The following FYN variants were observed in gnomAD, a reference collection of about 807,000 sequenced individuals.
FYN encodes tyrosine-protein kinase Fyn.
FYN carries 10 observed loss-of-function variants against 70.2 expected under a neutral mutation model. The ratio of observed to expected loss-of-function variants is 0.14; its 90% confidence interval spans 0.09 to 0.24. The LOEUF (loss-of-function observed/expected upper bound fraction) is 0.24. FYN is among the 10% of genes least tolerant of loss of function. The pLI is 1.00. For missense variants in FYN, 319 were observed against 673.1 expected (o/e 0.47, Z 5.82); for synonymous variants, 236 against 248.6 (o/e 0.95, Z 0.48).
chr6:111,735,325 A>G (rs1801661605), intron 3 of FYN, among the ~76,000 whole-genome samples: 1 of 152,228 alleles, frequency 6.6e-6, no homozygotes, highest in South Asian at 2.1e-4. Flanking sequence ...AGAAGCAGTC[A>G]GAAGCCAAAT....
chr6:111,805,371 ATACT>A (rs1772114838), intron 2 of FYN, among the ~76,000 whole-genome samples: 1 of 152,226 alleles, frequency 6.6e-6, no homozygotes. Flanking sequence ...AATTTGGGAC[ATACT>A]TACATTAAAA....
intron 3 of FYN, among the ~76,000 whole-genome samples, chr6:111,765,685 A>T (rs1412581388): frequency 1.3e-5 from 2 of 152,120 alleles, no homozygotes; most frequent in African/African-American, 4.8e-5. Context: ...ACAGTACTGG[A>T]CACAGAGGTG....
At chr6:111,766,384 T>C (rs981052838) in intron 3 of FYN, among the ~76,000 whole-genome samples, 3 of 152,326 alleles carry the variant, frequency 2.0e-5, no homozygotes, top group African/African-American at 4.8e-5. Flanking sequence ...GAGCCTGGAA[T>C]GTACATTGCT....
At chr6:111,828,773 G>A (rs1343602124) in intron 2 of FYN, among the ~76,000 whole-genome samples, 1 of 152,214 alleles carries the variant, frequency 6.6e-6, no homozygotes, top group Non-Finnish European at 1.5e-5. Context: ...CGGAGTTGTT[G>A]TTTAAGAGGT....
At chr6:111,680,638 A>G (rs1798741058) in intron 12 of FYN, among the ~76,000 whole-genome samples, 1 of 152,240 alleles carries the variant, frequency 6.6e-6, no homozygotes, top group African/African-American at 2.4e-5. Context: ...GTGACATTTC[A>G]AGGCCCATGG....
At chr6:111,713,260 C>T (rs888663866) in intron 5 of FYN, among the ~76,000 whole-genome samples, 1 of 152,146 alleles carries the variant, frequency 6.6e-6, no homozygotes, top group African/African-American at 2.4e-5. Context: ...AAGGAGGTCC[C>T]TGTGGCAATC....
chr6:111,691,815 G>A (rs1234823929), intron 12 of FYN, among the ~76,000 whole-genome samples: 1 of 152,232 alleles, frequency 6.6e-6, no homozygotes, highest in African/African-American at 2.4e-5. Context: ...CTGACTTGAT[G>A]AGATGTGGTC....
chr6:111,783,910 AT>A (rs1771268599), intron 2 of FYN, among the ~76,000 whole-genome samples: 1 of 152,226 alleles, frequency 6.6e-6, no homozygotes, highest in Non-Finnish European at 1.5e-5. Context: ...ATCAGAATTG[AT>A]TTTGAAAGTT....
chr6:111,732,305 G>T (rs1801501500), intron 3 of FYN, among the ~76,000 whole-genome samples: 1 of 152,200 alleles, frequency 6.6e-6, no homozygotes, highest in Non-Finnish European at 1.5e-5. Context: ...TTATACTGTT[G>T]TCCTACAGAG....
At chr6:111,780,388 A>G (rs139219235) in intron 3 of FYN, among the ~76,000 whole-genome samples, 178 bp downstream of exon 3, 1 of 152,234 alleles carries the variant, frequency 6.6e-6, no homozygotes, top group East Asian at 1.9e-4. Flanking sequence ...ATCAGCAATA[A>G]CAAGAAAAAG....
At chr6:111,703,062 T>A (rs770783135) in intron 7 of FYN, 28 bp from the exon 8 acceptor site, 8 of 1,607,698 alleles carry the variant, frequency 5.0e-6, no homozygotes, top group Non-Finnish European at 6.8e-6. Context: ...CATTAGCAGC[T>A]CCAATCATTT....
At chr6:111,866,560 T>G (rs1450207681) in intron 1 of FYN, among the ~76,000 whole-genome samples, 1 of 152,224 alleles carries the variant, frequency 6.6e-6, no homozygotes, top group Non-Finnish European at 1.5e-5. Flanking sequence ...CAGGCTGGTC[T>G]TGAACTCCTG....
intron 1 of FYN, among the ~76,000 whole-genome samples, chr6:111,860,151 A>G (rs1213918084): frequency 1.3e-5 from 2 of 152,138 alleles, no homozygotes; most frequent in Non-Finnish European, 2.9e-5. Flanking sequence ...ACTATGACAG[A>G]AAATGTTCTC....
At chr6:111,872,104 A>C (rs1774290626) in intron 1 of FYN, among the ~76,000 whole-genome samples, 1 of 151,988 alleles carries the variant, frequency 6.6e-6, no homozygotes, top group Non-Finnish European at 1.5e-5. Flanking sequence ...AGTCTGTGTG[A>C]TTTATTGGGG....
At chr6:111,687,908 T>C (rs975674047) in intron 12 of FYN, among the ~76,000 whole-genome samples, 13 of 152,128 alleles carry the variant, frequency 8.5e-5, no homozygotes, top group African/African-American at 2.4e-4. Context: ...AATGCTAGGA[T>C]TTATACCAAG....
At chr6:111,778,556 TTC>T (rs1407818254) in intron 3 of FYN, among the ~76,000 whole-genome samples, 7 of 152,050 alleles carry the variant, frequency 4.6e-5, no homozygotes, top group Admixed American at 3.9e-4. Flanking sequence ...TTTTTCTTTT[TTC>T]TTTCTTTCTT....
At chr6:111,745,822 A>T (rs919536852) in intron 3 of FYN, among the ~76,000 whole-genome samples, 3 of 152,260 alleles carry the variant, frequency 2.0e-5, no homozygotes, top group Non-Finnish European at 4.4e-5. Flanking sequence ...ATTCTGAATT[A>T]ACACAGCCCA....
chr6:111,773,560 G>GGGGAGGGAA (rs1803565740), intron 3 of FYN, among the ~76,000 whole-genome samples: 1 of 26,332 alleles, frequency 3.8e-5, no homozygotes. Context: ...AGACGCAGAG[G>GGGGAGGGAA]AGGGAGAGGG....
At chr6:111,668,506 A>C (rs1233749775) in intron 13 of FYN, among the ~76,000 whole-genome samples, 2 of 151,800 alleles carry the variant, frequency 1.3e-5, no homozygotes, top group Non-Finnish European at 2.9e-5. Context: ...GTCCCAGAAA[A>C]AAAAAAAAAA....
Sources: gnomAD v4.1 joint callset for allele counts (sites outside exome capture counted in the v4.1 genomes callset) on GRCh38, gnomAD v4.1.1 for gene constraint, MANE v1.5 for transcripts, NCBI Gene and HGNC (gene_info 2026-07-23, HGNC 2026-07-21) for gene names.